PPP4R1: variants seen among roughly 807,000 people sequenced by gnomAD.
PPP4R1 encodes serine/threonine-protein phosphatase 4 regulatory subunit 1.
In PPP4R1, 42 loss-of-function variants were observed where a neutral mutation model predicts 111.2. The observed-to-expected ratio is 0.38, with a 90% CI of 0.29 to 0.49. The LOEUF is 0.49. PPP4R1 is among the 20% of genes least tolerant of loss of function. The probability of loss-of-function intolerance (pLI) is 0.97; values close to 1 mark genes in which losing one functional copy is unlikely to be tolerated. For synonymous variants in PPP4R1, 409 were observed against 405.5 expected (o/e 1.01, Z -0.10); for missense variants, 1,012 against 1,161.6 (o/e 0.87, Z 1.87).
rs2066947573 is a variant in PPP4R1, at chr18:9,577,058, T to C, written c.1046+6A>G. 4 of 1,530,622 alleles carry C rather than the reference T, an allele frequency of 2.6e-6. No homozygotes were observed. Among genetic ancestry groups the C allele is most frequent in the South Asian group, 2.5e-5 (2 of 81,126 alleles). 94.8% of individuals were successfully genotyped at this position (1,530,622 alleles called of 1,614,324 possible). On this transcript the variant is annotated splice_donor_region_variant and intron_variant, in intron 10 of 19. Transcript: ENST00000400556. ...TTAAAATTAGAAAATGGTTTCAAAATTATACCTATTTTTGTTTTCTACTGA... is the reference window on the plus strand; with the variant it reads ...TTAAAATTAGAAAATGGTTTCAAAACTATACCTATTTTTGTTTTCTACTGA...
At chr18:9,555,993 C>A (rs867742512) in intron 15 of PPP4R1, among the ~76,000 whole-genome samples, 2,960 of 120,778 alleles carry the variant, frequency 0.025, 93 homozygotes, top group African/African-American at 0.079. Context: ...AACAAACAAA[C>A]AAACAAAAAA....
In PPP4R1 at chr18:9,577,152, A is replaced by G; in HGVS notation, c.958T>C (p.Ser320Pro). 6.2e-7 allele frequency: 1 copy of G among 1,609,744 alleles called. No homozygotes were observed. The highest frequency in any genetic ancestry group is 8.5e-7 in the Non-Finnish European group (1 of 1,177,592). The change falls in exon 10 of 20, where the codon TCT (serine) becomes CCT (proline). Residue 320 changes from serine (S) to proline (P), a missense_variant. Transcript: ENST00000400556. ...GAGCTAGATGGATTAGCAAAAGTAG[A>G]TATGAAAGGTCCCAGAGACTGAAAA... The part of the protein sequence containing the change: ...AAFQSLGPFI[S>P]TFANPSSSGQ...
chr18:9,571,487 G>A (rs1272614177), intron 10 of PPP4R1, among the ~76,000 whole-genome samples: 1 of 152,218 alleles, frequency 6.6e-6, no homozygotes, highest in African/African-American at 2.4e-5. Context: ...TGAATGAGAT[G>A]CAGCTCTTGA....
chr18:9,583,305 T>G, intron 8 of PPP4R1, 30 bp from the exon 9 acceptor site: 1 of 1,481,634 alleles, frequency 6.7e-7, no homozygotes, highest in Non-Finnish European at 9.1e-7. Flanking sequence ...TCTTGTTAGT[T>G]GGATAAAGAT....
chr18:9,580,341 TGA>T (rs1442574695), intron 9 of PPP4R1, among the ~76,000 whole-genome samples: 4 of 135,536 alleles, frequency 3.0e-5, no homozygotes, highest in Non-Finnish European at 4.7e-5. Flanking sequence ...ATAAAAAAGC[TGA>T]GAGTCTAATT....
intron 2 of PPP4R1, among the ~76,000 whole-genome samples, chr18:9,611,837 C>T (rs914059827): frequency 6.6e-6 from 1 of 151,430 alleles, no homozygotes; most frequent in Non-Finnish European, 1.5e-5. Flanking sequence ...CATGGAGAAA[C>T]CCCGTCTCTA....
At chr18:9,581,393 C>G (rs1269529185) in intron 9 of PPP4R1, among the ~76,000 whole-genome samples, 1 of 151,974 alleles carries the variant, frequency 6.6e-6, no homozygotes, top group African/African-American at 2.4e-5. Flanking sequence ...CAAAAAAGAA[C>G]CAGATGGAAT....
At chr18:9,553,666 C>T (rs1433671035) in intron 15 of PPP4R1, among the ~76,000 whole-genome samples, 2 of 152,204 alleles carry the variant, frequency 1.3e-5, no homozygotes, top group African/African-American at 4.8e-5. Context: ...ATGAGCCACG[C>T]TAAACCCCAC....
chr18:9,584,450 A>C, intron 8 of PPP4R1, 65 bp downstream of exon 8: 1 of 1,385,008 alleles, frequency 7.2e-7, no homozygotes, highest in South Asian at 1.5e-5. Context: ...AAATGTGTGC[A>C]TTTCAAACTT....
chr18:9,547,977 A>G (rs377247103), intron 19 of PPP4R1, 25 bp from the exon 20 acceptor site: 3 of 1,609,170 alleles, frequency 1.9e-6, no homozygotes, highest in East Asian at 2.2e-5. Flanking sequence ...TGCATAGGAC[A>G]GATGAAACCA....
intron 2 of PPP4R1, among the ~76,000 whole-genome samples, chr18:9,609,888 T>G (rs916568455): frequency 2.6e-5 from 4 of 152,252 alleles, no homozygotes; most frequent in African/African-American, 9.6e-5. Flanking sequence ...AAATTCCGTC[T>G]AAACTTAGGA....
intron 2 of PPP4R1, among the ~76,000 whole-genome samples, chr18:9,605,757 C>T (rs1020599769): frequency 6.6e-6 from 1 of 151,994 alleles, no homozygotes. Flanking sequence ...AAGGACATTA[C>T]TGGGGATATT....
chr18:9,595,227 A>ACTGCTT, intron 2 of PPP4R1, 74 bp from the exon 3 acceptor site: 1 of 1,453,932 alleles, frequency 6.9e-7, no homozygotes, highest in Non-Finnish European at 9.3e-7. Context: ...CTGAAGCAGT[A>ACTGCTT]CAAATCTGTT....
intron 19 of PPP4R1, among the ~76,000 whole-genome samples, chr18:9,548,411 G>GA (rs1031716279): frequency 5.3e-5 from 8 of 151,884 alleles, no homozygotes; most frequent in Non-Finnish European, 1.2e-4. Flanking sequence ...GCAGGCGGCG[G>GA]GGGGGTCGAT....
chr18:9,614,495 C>A lies in PPP4R1; in HGVS notation c.-11G>T, dbSNP rs1382536654. 2 of 1,028,256 alleles carry A rather than the reference C, an allele frequency of 1.9e-6. No homozygotes were observed. Among genetic ancestry groups the A allele is most frequent in the African/African-American group, 3.5e-5 (2 of 57,630 alleles). 63.7% of individuals were successfully genotyped at this position (1,028,256 alleles called of 1,614,324 possible). A position where few individuals can be genotyped will look rare whatever the true frequency, so the allele number is the denominator to read the frequency against. ...CCACGTACCCGCCATCTTGTGGTCGCCCCCTCCTCCGCGGCCGCCCGGGGA... is the reference window on the plus strand; with the variant it reads ...CCACGTACCCGCCATCTTGTGGTCGACCCCTCCTCCGCGGCCGCCCGGGGA... On this transcript the variant is annotated 5_prime_UTR_variant, in exon 1 of 20. Coordinates refer to ENST00000400556, the MANE Select transcript of PPP4R1 (RefSeq NM_001042388.3). The surrounding 1 kb of genome is among the most constrained non-coding windows in gnomAD (Gnocchi z 4.1).
chr18:9,559,322 A>G, intron 14 of PPP4R1, 97 bp downstream of exon 14: 4 of 1,196,044 alleles, frequency 3.3e-6, no homozygotes, highest in Non-Finnish European at 3.4e-6. Context: ...CACTAAGAAC[A>G]TGCTAGAACA....
At position 9,563,548 on chromosome 18, in the gene PPP4R1, G is replaced by C; in HGVS notation, c.1576C>G (p.Gln526Glu). The change falls in exon 12 of 20, where the codon CAA (glutamine) becomes GAA (glutamate). Residue 526 changes from glutamine to glutamate, a missense_variant and splice_region_variant. Physicochemically the swap from Gln to Glu is conservative, Grantham distance 29. Coordinates refer to ENST00000400556, the MANE Select transcript of PPP4R1 (RefSeq NM_001042388.3). ...PHIDDPDVKA[Q>E]VEVLSAALRA... The stretch of plus-strand genomic sequence containing the variant: ...AGTGCAGCGGACAGCACTTCCACTT[G>C]TGCTACAGGCAAAATAAGGAAATGG... 6.3e-7 allele frequency: 1 copy of C among 1,579,370 alleles called. No homozygotes were observed. Among genetic ancestry groups the C allele is most frequent in the Non-Finnish European group, 8.6e-7 (1 of 1,161,844 alleles).
At chr18:9,591,544 G>T (rs763260571) in intron 4 of PPP4R1, among the ~76,000 whole-genome samples, 3 of 152,064 alleles carry the variant, frequency 2.0e-5, no homozygotes, top group Non-Finnish European at 4.4e-5. Flanking sequence ...TAAGGCAGAA[G>T]ACCGAAAGGT....
At chr18:9,614,712 C>G (rs1437697410), upstream of PPP4R1, 1 of 145,374 alleles carries the variant, frequency 6.9e-6, no homozygotes, top group Non-Finnish European at 1.5e-5. The surrounding 1 kb of genome is among the most constrained non-coding windows in gnomAD (Gnocchi z 4.1). Flanking sequence ...GCCTGCCCCT[C>G]CGCGCGGCTC....
Sources: gnomAD v4.1 joint callset for allele counts (sites outside exome capture counted in the v4.1 genomes callset) on GRCh38, gnomAD v4.1.1 for gene constraint, Gnocchi (gnomAD v3.1) non-coding constraint, MANE v1.5 for transcripts, NCBI Gene and HGNC (gene_info 2026-07-23, HGNC 2026-07-21) for gene names.